The following SDC3 variants were observed in gnomAD, a reference collection of about 807,000 sequenced individuals.
SDC3 encodes syndecan 3, also known as syndecan-3.
In SDC3, 13 loss-of-function variants were observed where a neutral mutation model predicts 24.4. The observed-to-expected ratio is 0.53, with a 90% confidence interval of 0.35 to 0.85. The LOEUF is 0.85. Ranked by LOEUF, SDC3 falls within the 40% of genes least tolerant of loss-of-function variation. The pLI, the probability that SDC3 is intolerant of heterozygous loss-of-function variation, is 0.01. For missense variants in SDC3, 571 were observed against 584.5 expected, an observed-to-expected ratio of 0.98 and a Z score of 0.24; for synonymous variants, 295 against 260.9, an observed-to-expected ratio of 1.13 and a Z score of -1.26.
chr1:30,898,243 G>A (rs561065807), intron 1 of SDC3, among the ~76,000 whole-genome samples: 4 of 152,112 alleles, frequency 2.6e-5, no homozygotes, highest in Admixed American at 6.5e-5. Context: ...GATATACTGC[G>A]ACCTTCCCCA....
chr1:30,873,405 G>T (rs1245605911), intron 4 of SDC3, 28 bp from the exon 5 acceptor site: 5 of 1,602,712 alleles, frequency 3.1e-6, no homozygotes, highest in South Asian at 1.1e-5. Flanking sequence ...ACAGGTCAAG[G>T]CCCAGAGGCA....
rs11338317 is a variant in SDC3, at chr1:30,869,536, C to CAAAAAAAA, written c.*3667_*3674dup. On this transcript the variant is annotated 3_prime_UTR_variant, in exon 5 of 5. Transcript: ENST00000339394. ...AGGAAGTGTTAAAAAAACAAACAAACAAAAAAAAAAAAAAAAAAAAAAAAA... is the reference window on the plus strand; with the variant it reads ...AGGAAGTGTTAAAAAAACAAACAAACAAAAAAAAAAAAAAAAAAAAAAAAAAAAAAAAA... 90 of 348,164 alleles carry CAAAAAAAA rather than the reference C, an allele frequency of 2.6e-4. No homozygotes were observed. Among genetic ancestry groups the CAAAAAAAA allele is most frequent in the African/African-American group, 6.8e-4 (26 of 38,430 alleles). 21.6% of individuals were successfully genotyped at this position (348,164 alleles called of 1,614,324 possible). A position where few individuals can be genotyped will look rare whatever the true frequency, so the allele number is the denominator to read the frequency against.
At chr1:30,894,255 A>ATG (rs3080429) in intron 1 of SDC3, among the ~76,000 whole-genome samples, 1 of 133,282 alleles carries the variant, frequency 7.5e-6, no homozygotes, top group Non-Finnish European at 1.6e-5. Flanking sequence ...GTGGATGAGT[A>ATG]TGTGTGTGTG....
At chr1:30,900,967 T>C (rs1638404223) in intron 1 of SDC3, among the ~76,000 whole-genome samples, 1 of 151,998 alleles carries the variant, frequency 6.6e-6, no homozygotes, top group Admixed American at 6.6e-5. Context: ...AAGGCCCAAG[T>C]CAGTGTTATC....
Position 30,876,913 on chromosome 1 carries a change from C to T in SDC3, c.509G>A (p.Ser170Asn). 1.2e-6 allele frequency: 2 copies of T among 1,613,804 alleles called. No homozygotes were observed. Among genetic ancestry groups the T allele is most frequent in the South Asian group, 1.1e-5 (1 of 91,082 alleles). ...STTMATTAATSTGDPTVATVP... is the reference protein window; with the variant it reads ...STTMATTAATNTGDPTVATVP... ...TGTGGCCACAGTCGGGTCCCCTGTG[C>T]TTGTGGCAGCAGTGGTAGCCATGGT... is the stretch of plus-strand genomic sequence containing the variant. Residue 170 changes from serine to asparagine, a missense_variant, in exon 3 of 5, where the codon AGC becomes AAC. Ser to Asn is a conservative substitution (Grantham distance 46). Coordinates refer to ENST00000339394, the MANE Select transcript of SDC3 (RefSeq NM_014654.4).
At chr1:30,876,495 C>T in intron 3 of SDC3, 57 bp downstream of exon 3, 4 of 1,398,786 alleles carry the variant, frequency 2.9e-6, no homozygotes, top group South Asian at 1.6e-5. Flanking sequence ...TCCTCCTCAT[C>T]CCTCCCCTGA....
Position 30,873,120 on chromosome 1 carries a change from C to T in SDC3, c.*91G>A, listed in dbSNP as rs1639569791. ...GCAGAGAAGAACTGGGGCCAGGTTCCAGGCCCAGTCCCAGGCTTGGGCTGG... is the reference window on the plus strand; with the variant it reads ...GCAGAGAAGAACTGGGGCCAGGTTCTAGGCCCAGTCCCAGGCTTGGGCTGG... On this transcript the variant is annotated 3_prime_UTR_variant, in exon 5 of 5. Transcript: ENST00000339394. The T allele has an allele frequency of 2.1e-6, 2 of 940,660 alleles. No individual in the cohort carries two copies. The highest frequency in any genetic ancestry group is 1.6e-5 in the African/African-American group (1 of 61,646). The allele number at this position is 940,660 out of a possible 1,614,324, so 58.3% of individuals were successfully genotyped here.
At position 30,877,517 on chromosome 1, in the gene SDC3, C is replaced by T; in HGVS notation, c.257-352G>A. The T allele has an allele frequency of 5.7e-6, 3 of 529,944 alleles. No homozygotes were observed. The South Asian group carries it at 8.2e-5, about 15-fold the overall frequency. The allele number at this position is 529,944 out of a possible 1,614,324, so 32.8% of individuals were successfully genotyped here. On this transcript the variant is annotated intron_variant, in intron 2 of 4. Coordinates refer to ENST00000339394, the MANE Select transcript of SDC3 (RefSeq NM_014654.4). ...AAACTTGCTGGGGCTTGCAGGGGAA[C>T]ACAGGAGTGGCATTCTGGGAAGAGT...
chr1:30,873,180 G>A lies in SDC3; in HGVS notation c.*31C>T. 1 of 1,571,716 alleles carries A rather than the reference G, an allele frequency of 6.4e-7. No homozygotes were observed. The highest frequency in any genetic ancestry group is 8.8e-7 in the Non-Finnish European group (1 of 1,142,692). ...GCTGGGGACTGGACAGCAGGGTGGT[G>A]TTGAGGCTGCAGGGAGGCACTGTGG... is the stretch of plus-strand genomic sequence containing the variant. On this transcript the variant is annotated 3_prime_UTR_variant, in exon 5 of 5. Transcript: ENST00000339394.
Position 30,872,422 on chromosome 1 carries a change from ATTGCGTATGGT to A in SDC3, c.*778_*788del, listed in dbSNP as rs1246372187. The stretch of plus-strand genomic sequence containing the variant: ...TGTCTTGATTGGCTGGGCGGTCAGG[ATTGCGTATGGT>A]TTTGTCATTGCATGCTTTTGTCTTG... On this transcript the variant is annotated 3_prime_UTR_variant, in exon 5 of 5. Transcript: ENST00000339394. The A allele has an allele frequency of 6.6e-6, 1 of 152,302 alleles. No individual in the cohort carries two copies. Among genetic ancestry groups the A allele is most frequent in the African/African-American group, 2.4e-5 (1 of 41,406 alleles). 9.4% of individuals were successfully genotyped at this position (152,302 alleles called of 1,614,324 possible).
intron 1 of SDC3, among the ~76,000 whole-genome samples, chr1:30,889,794 G>A (rs1255351116): frequency 2.6e-5 from 4 of 152,152 alleles, no homozygotes; most frequent in African/African-American, 9.7e-5. Flanking sequence ...GAGGCTGGCA[G>A]TCTCTCAAAA....
At chr1:30,893,730 C>T (rs1381048807) in intron 1 of SDC3, among the ~76,000 whole-genome samples, 1 of 152,104 alleles carries the variant, frequency 6.6e-6, no homozygotes, top group Non-Finnish European at 1.5e-5. Context: ...CAGGGTTTCC[C>T]CAGGCAGGTG....
At chr1:30,884,962 T>C (rs1639807280) in intron 1 of SDC3, among the ~76,000 whole-genome samples, 3 of 152,244 alleles carry the variant, frequency 2.0e-5, no homozygotes, top group Admixed American at 2.0e-4. Context: ...ATGAGGTTAT[T>C]AAAAGACATA....
At chr1:30,888,336 G>T (rs1055524442) in intron 1 of SDC3, among the ~76,000 whole-genome samples, 2 of 152,210 alleles carry the variant, frequency 1.3e-5, no homozygotes, top group African/African-American at 4.8e-5. Context: ...AGAGCAGAAG[G>T]ATCCTCAGCC....
At chr1:30,875,252 G>C (rs1167723450) in intron 3 of SDC3, among the ~76,000 whole-genome samples, 1 of 152,260 alleles carries the variant, frequency 6.6e-6, no homozygotes, top group Non-Finnish European at 1.5e-5. Flanking sequence ...TGGAAAGGCA[G>C]GCCTGATGTC....
rs1422673423 is a variant in SDC3 at position 30,869,796 on chromosome 1, G to A, written c.*3415C>T. The A allele has an allele frequency of 1.5e-5, 6 of 398,522 alleles. No homozygotes were observed. The highest frequency in any genetic ancestry group is 1.3e-4 in the South Asian group (1 of 7,850). 24.7% of individuals were successfully genotyped at this position (398,522 alleles called of 1,614,324 possible). A position where few individuals can be genotyped will look rare whatever the true frequency, so the allele number is the denominator to read the frequency against. On this transcript the variant is annotated 3_prime_UTR_variant, in exon 5 of 5. Transcript: ENST00000339394. ...CCCACCCCAGGCAGGTTCTGTACAGGAGAAAGGACTCACAGGAGGGAGGGA... is the reference window on the plus strand; with the variant it reads ...CCCACCCCAGGCAGGTTCTGTACAGAAGAAAGGACTCACAGGAGGGAGGGA...
At chr1:30,907,047 G>A (rs1212214186) in intron 1 of SDC3, among the ~76,000 whole-genome samples, 18 of 152,210 alleles carry the variant, frequency 1.2e-4, no homozygotes. Flanking sequence ...AAGCAAGCTT[G>A]GAGCCCCTGC....
rs1329892816 is a variant in SDC3, at chr1:30,873,106, C to G, written c.*105G>C. On this transcript the variant is annotated 3_prime_UTR_variant, in exon 5 of 5. Coordinates refer to ENST00000339394, the MANE Select transcript of SDC3 (RefSeq NM_014654.4). ...CCTTGGGAGAGAGGGCAGAGAAGAA[C>G]TGGGGCCAGGTTCCAGGCCCAGTCC... The G allele has an allele frequency of 3.7e-6, 3 of 814,074 alleles. No individual in the cohort carries two copies. Among genetic ancestry groups the G allele is most frequent in the Non-Finnish European group, 6.2e-6 (3 of 480,638 alleles). The allele number at this position is 814,074 out of a possible 1,614,324, so 50.4% of individuals were successfully genotyped here.
chr1:30,889,681 A>T (rs917626069), intron 1 of SDC3, among the ~76,000 whole-genome samples: 1 of 152,178 alleles, frequency 6.6e-6, no homozygotes, highest in Non-Finnish European at 1.5e-5. Context: ...AATGAATGTG[A>T]TCAAAAAGTC....
Sources: gnomAD v4.1 joint callset for allele counts (sites outside exome capture counted in the v4.1 genomes callset) on GRCh38, gnomAD v4.1.1 for gene constraint, MANE v1.5 for transcripts, NCBI Gene and HGNC (gene_info 2026-07-23, HGNC 2026-07-21) for gene names.